CERS4: variants seen among roughly 807,000 people sequenced by gnomAD.
CERS4 encodes the protein LAG1 homolog, ceramide synthase 4.
In CERS4, 65 loss-of-function variants were observed where a neutral mutation model predicts 51.8. The observed-to-expected ratio is 1.26, with a 90% CI of 1.03 to 1.54. The LOEUF (loss-of-function observed/expected upper bound fraction) is 1.54. Among genes scored for constraint, CERS4 ranks in the 40% most tolerant of loss-of-function variants. The pLI, the probability that CERS4 is intolerant of heterozygous loss-of-function variation, is 0.00. For missense variants in CERS4, 563 were observed against 500.4 expected, an observed-to-expected ratio of 1.13 and a Z score of -1.19; for synonymous variants, 228 against 208.4, an observed-to-expected ratio of 1.09 and a Z score of -0.81.
At position 8,238,540 on chromosome 19, in the gene CERS4, G is replaced by A. The variant is rs1568516697; in HGVS notation, c.-1-12536G>A. 2.0e-6 allele frequency: 2 copies of A among 985,226 alleles called. 1 individual carries two copies. The highest frequency in any genetic ancestry group is 1.2e-4 in the Admixed American group (2 of 16,238). The allele number at this position is 985,226 out of a possible 1,614,324, so 61.0% of individuals were successfully genotyped here. ...AGAGCTTGAATAGAACTGCAGAAGA[G>A]ACAGATGATTCCAGAAGGGTAAGGA... On this transcript the variant is annotated intron_variant, in intron 2 of 11. Transcript: ENST00000251363.
In CERS4 at chr19:8,262,077, C is replaced by T. The variant is rs540801328; in HGVS notation, c.1153C>T (p.Arg385Cys). The T allele has an allele frequency of 7.9e-6, 12 of 1,518,284 alleles. No homozygotes were observed. Among genetic ancestry groups the T allele is most frequent in the East Asian group, 4.6e-5 (2 of 43,882 alleles). The allele number at this position is 1,518,284 out of a possible 1,614,324, so 94.1% of individuals were successfully genotyped here. ...TGGCCCTCGGAGCCGGGTGGCCGGG[C>T]GTCTGACCAACAGGCACACAACAGC... The part of the protein sequence containing the change: ...TDGPRSRVAG[R>C]LTNRHTTAT The change falls in exon 12 of 12, where the codon CGT becomes TGT. Residue 385 changes from arginine (R) to cysteine (C), a missense_variant. Physicochemically the swap from Arg to Cys is radical, Grantham distance 180 (BLOSUM62 -3). Coordinates refer to ENST00000251363, the MANE Select transcript of CERS4 (RefSeq NM_024552.3).
intron 2 of CERS4, among the ~76,000 whole-genome samples, chr19:8,220,560 C>T (rs1338067407): frequency 2.0e-5 from 3 of 152,140 alleles, no homozygotes; most frequent in African/African-American, 7.2e-5. Context: ...CCGCCTCGGC[C>T]TCCCAAAGTA....
chr19:8,237,792 A>T (rs1220003508), intron 2 of CERS4, among the ~76,000 whole-genome samples: 2 of 152,128 alleles, frequency 1.3e-5, no homozygotes. Flanking sequence ...TGGAGCTTGC[A>T]GTGAGCCGAG....
intron 2 of CERS4, chr19:8,241,557 G>A (rs1448369093): frequency 6.6e-6 from 1 of 151,988 alleles, no homozygotes; most frequent in Non-Finnish European, 1.5e-5. Context: ...CTCCCACTTC[G>A]GCCTCTCAAA....
At chr19:8,247,360 G>A (rs77787563) in intron 2 of CERS4, among the ~76,000 whole-genome samples, 1,828 of 151,948 alleles carry the variant, frequency 0.012, 36 homozygotes, top group African/African-American at 0.042. Context: ...TGCACCTGCT[G>A]CGTATTTATC....
intron 2 of CERS4, among the ~76,000 whole-genome samples, chr19:8,236,518 AAAG>A (rs1968260354): frequency 6.6e-6 from 1 of 150,974 alleles, no homozygotes; most frequent in Non-Finnish European, 1.5e-5. Context: ...TCTCTACAAA[AAAG>A]TACAAAAATT....
At chr19:8,237,753 A>C (rs1362302858) in intron 2 of CERS4, among the ~76,000 whole-genome samples, 2 of 151,940 alleles carry the variant, frequency 1.3e-5, no homozygotes, top group Admixed American at 6.6e-5. Context: ...CAGGAGGCTG[A>C]GGCAGGAGAA....
chr19:8,244,031 G>A (rs1217018607), intron 2 of CERS4, among the ~76,000 whole-genome samples: 1 of 152,180 alleles, frequency 6.6e-6, no homozygotes, highest in East Asian at 1.9e-4. Flanking sequence ...AGATCATCTG[G>A]GTGAACCCAG....
chr19:8,247,319 C>T (rs989197684), intron 2 of CERS4, among the ~76,000 whole-genome samples: 1 of 152,010 alleles, frequency 6.6e-6, no homozygotes, highest in Non-Finnish European at 1.5e-5. Context: ...GTTGCTCCAA[C>T]ATCCCAGGCA....
At position 8,212,663 on chromosome 19, in the gene CERS4, A is replaced by T. The variant is rs184772737; in HGVS notation, c.-2+1801A>T. Among the ~76,000 whole-genome samples, 30 of 151,274 alleles carry T rather than the reference A, an allele frequency of 2.0e-4. No individual in the cohort carries two copies. In the East Asian group the frequency reaches 5.8e-3, roughly 29 times the overall value. On this transcript the variant is annotated intron_variant, in intron 2 of 11. Transcript: ENST00000251363. The stretch of plus-strand genomic sequence containing the variant: ...TTATTTTTTTTATTTTTTGGAATGG[A>T]GTTTCGTTCTTGTCGCCCAGGCTGG...
At chr19:8,224,406 CAAAA>C (rs34399032) in intron 2 of CERS4, among the ~76,000 whole-genome samples, 3 of 104,478 alleles carry the variant, frequency 2.9e-5, no homozygotes, top group Non-Finnish European at 6.1e-5. Context: ...GACTCCATCG[CAAAA>C]AAAAAAAAAA....
intron 2 of CERS4, among the ~76,000 whole-genome samples, chr19:8,219,415 A>G (rs1432348306): frequency 6.6e-6 from 1 of 152,172 alleles, no homozygotes; most frequent in Admixed American, 6.6e-5. Flanking sequence ...CTGTCATCCC[A>G]ACACTTTGAG....
intron 7 of CERS4, 25 bp from the exon 8 acceptor site, chr19:8,256,593 C>G: frequency 6.3e-7 from 1 of 1,597,054 alleles, no homozygotes; most frequent in Non-Finnish European, 8.5e-7. Context: ...CTCCCCACAG[C>G]TAACCTTGTC....
chr19:8,257,440 A>T (rs1351499499), intron 9 of CERS4, among the ~76,000 whole-genome samples: 5 of 150,658 alleles, frequency 3.3e-5, no homozygotes, highest in Admixed American at 6.6e-5. Context: ...ATGTATTCAC[A>T]TTTTTTTTTT....
At chr19:8,248,052 G>A (rs1968868378) in intron 2 of CERS4, among the ~76,000 whole-genome samples, 2 of 152,064 alleles carry the variant, frequency 1.3e-5, no homozygotes. Context: ...TCATCTTTAA[G>A]TCCCAGCTCA....
intron 2 of CERS4, among the ~76,000 whole-genome samples, chr19:8,228,586 A>G (rs1479840588): frequency 4.6e-5 from 7 of 151,916 alleles, no homozygotes; most frequent in African/African-American, 1.7e-4. Context: ...GAGGCAGGAG[A>G]ATTGCTTGAA....
intron 3 of CERS4, among the ~76,000 whole-genome samples, chr19:8,253,171 G>A (rs1969177235): frequency 6.6e-6 from 1 of 152,238 alleles, no homozygotes; most frequent in African/African-American, 2.4e-5. Context: ...GTGTTGGCGC[G>A]CCCTCTTGTG....
intron 2 of CERS4, among the ~76,000 whole-genome samples, chr19:8,219,090 C>A (rs1884955156): frequency 6.6e-6 from 1 of 152,098 alleles, no homozygotes. Flanking sequence ...GCCTGTATTC[C>A]CAGCGACTTG....
chr19:8,240,172 C>T (rs1210024963), intron 2 of CERS4, among the ~76,000 whole-genome samples: 2 of 151,958 alleles, frequency 1.3e-5, no homozygotes, highest in South Asian at 2.1e-4. Context: ...GAGTTGGAAG[C>T]CCAGCAAGCA....
Sources: gnomAD v4.1 joint callset for allele counts (sites outside exome capture counted in the v4.1 genomes callset) on GRCh38, gnomAD v4.1.1 for gene constraint, MANE v1.5 for transcripts, NCBI Gene and HGNC (gene_info 2026-07-23, HGNC 2026-07-21) for gene names.